Variants in TPO observed in about 807,000 individuals in gnomAD.
The protein encoded by TPO is thyroid peroxidase.
A neutral mutation model predicts 96.9 loss-of-function variants in TPO; 78 were observed. The ratio of observed to expected loss-of-function variants is 0.81; its 90% CI spans 0.67 to 0.97. The LOEUF (loss-of-function observed/expected upper bound fraction) is 0.97, where lower values mean the gene tolerates loss of function less well. Ranked by LOEUF, TPO falls within the 50% of genes least tolerant of loss-of-function variation. The pLI is 0.00. For synonymous variants in TPO, 547 were observed against 538.0 expected (o/e 1.02, Z -0.23); for missense variants, 1,252 against 1,274.8 (o/e 0.98, Z 0.27).
At chr2:1,532,691 T>C (rs1678595578) in intron 15 of TPO, among the ~76,000 whole-genome samples, 1 of 40,458 alleles carries the variant, frequency 2.5e-5, no homozygotes, top group Non-Finnish European at 4.1e-5. Flanking sequence ...ACCCACTCTG[T>C]GCAACCTCCC....
At chr2:1,426,910 C>T (rs1252769036) in intron 3 of TPO, among the ~76,000 whole-genome samples, 2 of 152,188 alleles carry the variant, frequency 1.3e-5, no homozygotes, top group Non-Finnish European at 2.9e-5. Context: ...ATCATTTCTT[C>T]CACTCACTCA....
rs181804330 is a variant in TPO at position 1,394,274 on chromosome 2, G to T, written n.180+19872G>T. On this transcript the variant is annotated intron_variant and non_coding_transcript_variant, in intron 1 of 5. Coordinates refer to the TPO transcript ENST00000497517. Reference sequence around the variant, plus strand: ...TTATACATTTCAGCTATTTTTTCCTGTAATATAAGAACCTTGTAATGGAAC... The same window carrying T: ...TTATACATTTCAGCTATTTTTTCCTTTAATATAAGAACCTTGTAATGGAAC... 3.9e-4 allele frequency among the ~76,000 whole-genome samples: 59 copies of T among 152,314 alleles called. No individual in the cohort carries two copies. In the East Asian group the frequency reaches 0.011, roughly 27 times the overall value.
Position 1,501,789 on chromosome 2 carries a change from C to T in TPO, c.2387-2159C>T, listed in dbSNP as rs558212117. 1.5e-3 allele frequency among the ~76,000 whole-genome samples: 221 copies of T among 152,206 alleles called. 1 individual carries two copies. Among genetic ancestry groups the T allele is most frequent in the Middle Eastern group, 0.01 (3 of 294 alleles). ...CAGGGCATGCAGGAAGGACGCCCCC[C>T]GACTCCCGAGAGCCTGCTGAAGGAG... On this transcript the variant is annotated intron_variant, in intron 13 of 16. Transcript: ENST00000329066.
Position 1,496,106 on chromosome 2 carries a change from C to T in TPO, c.2124C>T (p.Ala708=). ...GCCTCACCAGGGTGCCCATGGATGCCTTCCAAGTCGGCAAATTCCCCGAAG... is the reference window on the plus strand; with the variant it reads ...GCCTCACCAGGGTGCCCATGGATGCTTTCCAAGTCGGCAAATTCCCCGAAG... ...NTGLTRVPMD[A]FQVGKFPEDF... Residue 708 remains alanine, a synonymous_variant, in exon 12 of 17, where the codon GCC becomes GCT. Coordinates refer to ENST00000329066, the MANE Select transcript of TPO (RefSeq NM_001206744.2). The T allele has an allele frequency of 6.2e-7, 1 of 1,614,114 alleles. No individual in the cohort carries two copies. Among genetic ancestry groups the T allele is most frequent in the Admixed American group, 1.7e-5 (1 of 60,022 alleles).
At chr2:1,393,064 A>C (rs1000238746) in intron 1 of TPO, among the ~76,000 whole-genome samples, 1 of 152,196 alleles carries the variant, frequency 6.6e-6, no homozygotes, top group Non-Finnish European at 1.5e-5. Context: ...AGGCAAGGTA[A>C]CTTATGAAGA....
chr2:1,526,643 G>T (rs1273406794), intron 15 of TPO, among the ~76,000 whole-genome samples: 1 of 105,482 alleles, frequency 9.5e-6, no homozygotes. Flanking sequence ...TCCCCAGTGT[G>T]TGCAACTTCC....
intron 15 of TPO, among the ~76,000 whole-genome samples, chr2:1,536,791 C>G (rs576267301): frequency 7.6e-6 from 1 of 132,090 alleles, no homozygotes; most frequent in Admixed American, 7.9e-5. Context: ...CCAAATCCCC[C>G]GCAATCTGTG....
chr2:1,422,267 G>A (rs973957770), intron 2 of TPO, among the ~76,000 whole-genome samples: 14 of 45,236 alleles, frequency 3.1e-4, no homozygotes, highest in Admixed American at 2.4e-3. Context: ...GAGCATGGAA[G>A]GCGCGTGGGA....
chr2:1,534,326 T>C (rs898729558), intron 15 of TPO, among the ~76,000 whole-genome samples: 4 of 136,848 alleles, frequency 2.9e-5, no homozygotes, highest in African/African-American at 1.1e-4. Context: ...TCATCAAATT[T>C]TCCCACTGTG....
chr2:1,514,434 A>G (rs1446894124), intron 14 of TPO, among the ~76,000 whole-genome samples: 1 of 152,188 alleles, frequency 6.6e-6, no homozygotes. Flanking sequence ...GAATTCTCCA[A>G]AATCCCAGTG....
chr2:1,407,310 G>A (rs1662262165), intron 1 of TPO, among the ~76,000 whole-genome samples: 1 of 152,178 alleles, frequency 6.6e-6, no homozygotes, highest in Non-Finnish European at 1.5e-5. Flanking sequence ...AAAACCTGAA[G>A]TTTGTTACTG....
intron 1 of TPO, among the ~76,000 whole-genome samples, chr2:1,392,821 T>TTG (rs1662024026): frequency 6.6e-6 from 1 of 152,164 alleles, no homozygotes; most frequent in Admixed American, 6.5e-5. Flanking sequence ...GTTTGTATTA[T>TTG]TGTGGGATTG....
chr2:1,392,568 C>G (rs542181015), intron 1 of TPO, among the ~76,000 whole-genome samples: 66 of 152,264 alleles, frequency 4.3e-4, no homozygotes, highest in African/African-American at 1.4e-3. Context: ...GGAATAGTGT[C>G]AGAAGGAATG....
chr2:1,439,978 T>C (rs186250636), intron 5 of TPO, among the ~76,000 whole-genome samples: 6 of 152,270 alleles, frequency 3.9e-5, no homozygotes, highest in East Asian at 3.9e-4. Flanking sequence ...AATTGCTAAG[T>C]TCCCCCCCAG....
At chr2:1,517,480 A>G (rs1674828591) in intron 15 of TPO, among the ~76,000 whole-genome samples, 1 of 152,152 alleles carries the variant, frequency 6.6e-6, no homozygotes, top group Non-Finnish European at 1.5e-5. Context: ...TGCTCTCTGC[A>G]GAAAGAGCCC....
chr2:1,445,727 T>C (rs1279694100), intron 5 of TPO, among the ~76,000 whole-genome samples: 1 of 130,822 alleles, frequency 7.6e-6, no homozygotes, highest in Non-Finnish European at 1.7e-5. Flanking sequence ...TATGATCCAG[T>C]CATTGCTGCA....
chr2:1,423,063 G>A lies in TPO; in HGVS notation c.113G>A (p.Arg38His), dbSNP rs200427779. Residue 38 changes from arginine to histidine, a missense_variant, in exon 3 of 17, where the codon CGT becomes CAT. Arg to His is a conservative substitution (Grantham distance 29, BLOSUM62 0). Transcript: ENST00000329066. The stretch of plus-strand genomic sequence containing the variant: ...TCCGTAGGAAAGCCTGAGGAGTCTC[G>A]TGTCTCTAGCGTCTTGGAGGAAAGC... ...ELLWGKPEESRVSSVLEESKR... is the reference protein window; with the variant it reads ...ELLWGKPEESHVSSVLEESKR... 7.6e-5 allele frequency: 122 copies of A among 1,614,168 alleles called. No individual in the cohort carries two copies. The East Asian group carries it at 1.0e-3, about 14-fold the overall frequency.
At chr2:1,527,426 C>T (rs1676849169) in intron 15 of TPO, among the ~76,000 whole-genome samples, 7 of 146,898 alleles carry the variant, frequency 4.8e-5, no homozygotes, top group South Asian at 2.3e-4. Context: ...TCAAATCCTC[C>T]GCCACTGTGA....
intron 6 of TPO, 125 bp downstream of exon 6, chr2:1,453,948 C>T: frequency 1.8e-5 from 26 of 1,425,242 alleles, no homozygotes; most frequent in South Asian, 1.2e-4. Context: ...CAGATCCTCC[C>T]AGCCTCCCTT....
Sources: allele counts gnomAD v4.1 joint callset (sites outside exome capture counted in the v4.1 genomes callset), GRCh38; gene constraint gnomAD v4.1.1; transcripts MANE v1.5; gene names NCBI Gene and HGNC (gene_info 2026-07-23, HGNC 2026-07-21).